Variants in SSX2IP observed in about 807,000 individuals in gnomAD.
SSX2IP encodes afadin- and alpha-actinin-binding protein.
Under a neutral mutation model 84.9 loss-of-function variants are expected in SSX2IP, and 55 were observed. The ratio of observed to expected loss-of-function variants is 0.65; its 90% CI spans 0.52 to 0.81. The LOEUF is 0.81. SSX2IP is among the 30% of genes least tolerant of loss of function. SSX2IP has a pLI of 0.00. For missense variants in SSX2IP, 664 were observed against 705.2 expected, an observed-to-expected ratio of 0.94 and a Z score of 0.66; for synonymous variants, 239 against 234.7, an observed-to-expected ratio of 1.02 and a Z score of -0.17.
At chr1:84,664,789 T>C (rs559735099) in intron 5 of SSX2IP, among the ~76,000 whole-genome samples, 37 of 152,268 alleles carry the variant, frequency 2.4e-4, no homozygotes, top group African/African-American at 8.9e-4. Flanking sequence ...ACCTTACATA[T>C]AGACTCTGAT....
intron 1 of SSX2IP, among the ~76,000 whole-genome samples, chr1:84,684,925 A>C (rs1317956307): frequency 1.3e-5 from 2 of 152,126 alleles, no homozygotes; most frequent in Admixed American, 1.3e-4. Flanking sequence ...AATGATGAAT[A>C]TAGGATTCAG....
intron 13 of SSX2IP, 28 bp downstream of exon 13, chr1:84,650,334 C>G: frequency 1.9e-6 from 3 of 1,613,414 alleles, no homozygotes; most frequent in Non-Finnish European, 2.5e-6. Context: ...TTTAGAAACA[C>G]GTGAAAAGAT....
In SSX2IP at chr1:84,658,307, G is replaced by A. The variant is rs1234282170; in HGVS notation, c.1078+11C>T. On this transcript the variant is annotated intron_variant, in intron 9 of 13. Transcript: ENST00000342203. Reference sequence around the variant, plus strand: ...CACAACTCACTTTACATGCATAGAAGCAGTGGTTACCTTGGTTATCAAGCT... The same window carrying A: ...CACAACTCACTTTACATGCATAGAAACAGTGGTTACCTTGGTTATCAAGCT... 6.2e-7 allele frequency: 1 copy of A among 1,613,664 alleles called. No individual in the cohort carries two copies. Among genetic ancestry groups the A allele is most frequent in the African/African-American group, 1.3e-5 (1 of 74,898 alleles).
rs1409416703 is a variant in SSX2IP at position 84,690,433 on chromosome 1, C to T, written c.-152G>A. The T allele has an allele frequency of 6.6e-6, 1 of 151,544 alleles. No individual in the cohort carries two copies. The highest frequency in any genetic ancestry group is 1.5e-5 in the Non-Finnish European group (1 of 67,858). 9.4% of individuals were successfully genotyped at this position (151,544 alleles called of 1,614,324 possible). On this transcript the variant is annotated 5_prime_UTR_variant, in exon 1 of 14. Coordinates refer to ENST00000342203, the MANE Select transcript of SSX2IP (RefSeq NM_001166293.2). ...GGCGTCCTAGCCCGGCTCCCGCAGC[C>T]CGAGGGCCAGCAGCGCCTCGCAGCG...
At chr1:84,649,615 T>C (rs75610458) in intron 13 of SSX2IP, 11,155 of 176,178 alleles carry the variant, frequency 0.063, 509 homozygotes, top group South Asian at 0.092. Flanking sequence ...TCCAAGGCCA[T>C]TATCTCCTAC....
chr1:84,675,603 T>C (rs1311260548), intron 1 of SSX2IP, among the ~76,000 whole-genome samples: 1 of 152,232 alleles, frequency 6.6e-6, no homozygotes. Context: ...ACTCTTGCAG[T>C]GTAAGCTGAT....
In SSX2IP at chr1:84,671,321, A is replaced by G; in HGVS notation, c.-89-13T>C. 3.3e-6 allele frequency: 5 copies of G among 1,526,024 alleles called. No individual in the cohort carries two copies. Among genetic ancestry groups the G allele is most frequent in the Non-Finnish European group, 4.4e-6 (5 of 1,139,128 alleles). The allele number at this position is 1,526,024 out of a possible 1,614,324, so 94.5% of individuals were successfully genotyped here. On this transcript the variant is annotated splice_polypyrimidine_tract_variant and intron_variant, in intron 1 of 13. Coordinates refer to ENST00000342203, the MANE Select transcript of SSX2IP (RefSeq NM_001166293.2). ...ATGTAGGCATCTCCTTAAAAAGCAG[A>G]TTATAGAATAATAGCATCTAATTTA...
chr1:84,651,747 T>G (rs1417783713), intron 12 of SSX2IP, 136 bp downstream of exon 12: 5 of 585,648 alleles, frequency 8.5e-6, no homozygotes, highest in South Asian at 3.1e-5. Context: ...CAAAAAAAAG[T>G]TGACTTTTAG....
rs748884269 is a variant in SSX2IP, at chr1:84,662,327, A to T, written c.798T>A (p.Arg266=). 33 of 1,608,846 alleles carry T rather than the reference A, an allele frequency of 2.1e-5. No homozygotes were observed. Among genetic ancestry groups the T allele is most frequent in the Middle Eastern group, 1.6e-4 (1 of 6,062 alleles). The change falls in exon 8 of 14, where the codon CGT becomes CGA. Residue 266 remains arginine (R), a synonymous_variant. Coordinates refer to ENST00000342203, the MANE Select transcript of SSX2IP (RefSeq NM_001166293.2). ...CATTTTCCATTAGGATTTGTTTCTG[A>T]CGATATTCATAATCATTCAAGAGAA... ...YKILLNDYEY[R]QKQILMENAE...
chr1:84,668,377 G>A (rs889759769), intron 4 of SSX2IP, among the ~76,000 whole-genome samples: 1 of 152,028 alleles, frequency 6.6e-6, no homozygotes, highest in African/African-American at 2.4e-5. Context: ...CAAGCCTAGG[G>A]GGCACCAAAT....
At chr1:84,675,196 G>A (rs892578198) in intron 1 of SSX2IP, among the ~76,000 whole-genome samples, 2 of 152,122 alleles carry the variant, frequency 1.3e-5, no homozygotes, top group East Asian at 1.9e-4. Context: ...AGGAACACAC[G>A]TTCATATTAT....
At chr1:84,672,421 A>C (rs1355961082) in intron 1 of SSX2IP, among the ~76,000 whole-genome samples, 1 of 152,156 alleles carries the variant, frequency 6.6e-6, no homozygotes, top group East Asian at 1.9e-4. Flanking sequence ...AAAAAAAAAA[A>C]AAACTCTATG....
At chr1:84,689,415 T>C (rs1656266111) in intron 1 of SSX2IP, among the ~76,000 whole-genome samples, 1 of 152,182 alleles carries the variant, frequency 6.6e-6, no homozygotes, top group African/African-American at 2.4e-5. Context: ...CTAATCTGAA[T>C]TGTTAGAAAG....
In SSX2IP at chr1:84,670,794, T is replaced by A. The variant is rs772318150; in HGVS notation, c.65A>T (p.Tyr22Phe). Residue 22 changes from tyrosine to phenylalanine, a missense_variant, in exon 3 of 14, where the codon TAT (tyrosine) becomes TTT (phenylalanine). By Grantham distance (22) the Tyr-to-Phe change is conservative. Transcript: ENST00000342203. ...LSSESKTISQ[Y>F]TSETKMSPSS... ...TGGAGACATCTTTGTTTCTGAGGTA[T>A]ATTGAGAGATAGTTTTGCTTTCTGA... The A allele has an allele frequency of 6.8e-6, 11 of 1,608,688 alleles. No individual in the cohort carries two copies. The Admixed American group carries it at 8.4e-5, about 12-fold the overall frequency.
At chr1:84,665,179 G>C (rs1321219795) in intron 5 of SSX2IP, among the ~76,000 whole-genome samples, 1 of 152,066 alleles carries the variant, frequency 6.6e-6, no homozygotes, top group African/African-American at 2.4e-5. Flanking sequence ...CCCTGCTAGG[G>C]ATCAACATGA....
chr1:84,644,568 T>G lies in SSX2IP; in HGVS notation c.*2865A>C, dbSNP rs1649260643. On this transcript the variant is annotated 3_prime_UTR_variant, in exon 14 of 14. Transcript: ENST00000342203. The stretch of plus-strand genomic sequence containing the variant: ...ATGACTCATATTAGGCAATATACTT[T>G]GAAGATCTGTACAACATAGTAATCA... The G allele has an allele frequency of 6.6e-6, 1 of 152,238 alleles. No homozygotes were observed. The allele number at this position is 152,238 out of a possible 1,614,324, so 9.4% of individuals were successfully genotyped here. A position where few individuals can be genotyped will look rare whatever the true frequency, so the allele number is the denominator to read the frequency against.
chr1:84,658,564 C>A, intron 8 of SSX2IP, 96 bp from the exon 9 acceptor site: 1 of 1,387,576 alleles, frequency 7.2e-7, no homozygotes, highest in Non-Finnish European at 9.6e-7. Context: ...CAGAGGAAGC[C>A]ACATCAAAAT....
At position 84,659,301 on chromosome 1, in the gene SSX2IP, C is replaced by T. The variant is rs962531976; in HGVS notation, c.928-833G>A. Among the ~76,000 whole-genome samples, 20 of 151,864 alleles carry T rather than the reference C, an allele frequency of 1.3e-4. 1 individual carries two copies. Among genetic ancestry groups the T allele is most frequent in the Middle Eastern group, 3.2e-3 (1 of 314 alleles). ...AGGGAGCAACTGAGTCTGAAGAACT[C>T]TATCAGTAGTTGAGGTCAGCAATGG... On this transcript the variant is annotated intron_variant, in intron 8 of 13. Transcript: ENST00000342203.
At position 84,650,385 on chromosome 1, in the gene SSX2IP, T is replaced by C; in HGVS notation, c.1647A>G (p.Thr549=). Residue 549 remains threonine (T), a synonymous_variant, in exon 13 of 14, where the codon ACA becomes ACG. Coordinates refer to ENST00000342203, the MANE Select transcript of SSX2IP (RefSeq NM_001166293.2). The part of the protein sequence containing the change: ...ASPSTSDFCQ[T]RSCISEHSSI... ...ACCTATGTTCAGATATGCAGGAACG[T>C]GTCTGGCAAAAGTCTGAAGTGGAAG... 1 of 1,614,210 alleles carries C rather than the reference T, an allele frequency of 6.2e-7. No individual in the cohort carries two copies.
Sources: gnomAD v4.1 joint callset for allele counts (sites outside exome capture counted in the v4.1 genomes callset) on GRCh38, gnomAD v4.1.1 for gene constraint, MANE v1.5 for transcripts, NCBI Gene and HGNC (gene_info 2026-07-23, HGNC 2026-07-21) for gene names.